BMP5: variants seen among roughly 807,000 people sequenced by gnomAD.
BMP5 encodes bone morphogenetic protein 5.
A neutral mutation model predicts 46.6 loss-of-function variants in BMP5; 23 were observed. That is an observed-to-expected ratio of 0.49 (90% CI 0.35 to 0.70). The LOEUF (loss-of-function observed/expected upper bound fraction) is 0.70. Ranked by LOEUF, BMP5 falls within the 30% of genes least tolerant of loss-of-function variation. The pLI, the probability that BMP5 is intolerant of heterozygous loss-of-function variation, is 0.00. For missense variants in BMP5, 545 were observed against 565.6 expected (o/e 0.96, Z 0.37); for synonymous variants, 204 against 191.9 (o/e 1.06, Z -0.52).
chr6:55,819,940 A>G, intron 1 of BMP5, 93 bp from the exon 2 acceptor site: 1 of 1,150,342 alleles, frequency 8.7e-7, no homozygotes, highest in South Asian at 1.3e-5. Flanking sequence ...AAAGAAAACA[A>G]ACAAGCAGGA....
intron 1 of BMP5, among the ~76,000 whole-genome samples, chr6:55,833,657 A>C (rs778723275): frequency 6.6e-6 from 1 of 152,194 alleles, no homozygotes; most frequent in Non-Finnish European, 1.5e-5. Flanking sequence ...AAGCTCATTA[A>C]TATTTATTAC....
intron 1 of BMP5, among the ~76,000 whole-genome samples, chr6:55,831,076 C>A (rs1282988840): frequency 2.0e-5 from 3 of 151,944 alleles, no homozygotes; most frequent in African/African-American, 7.3e-5. Flanking sequence ...GAATATTCAC[C>A]CTGAATGCTA....
intron 3 of BMP5, among the ~76,000 whole-genome samples, chr6:55,786,099 C>T (rs1775441947): frequency 6.6e-6 from 1 of 151,670 alleles, no homozygotes; most frequent in Admixed American, 6.6e-5. Flanking sequence ...ACATGTCTAA[C>T]TTTCTCGCTT....
chr6:55,865,493 C>A, intron 1 of BMP5: 1 of 463,080 alleles, frequency 2.2e-6, no homozygotes, highest in East Asian at 6.4e-5. Context: ...CAGTCCGTCT[C>A]ATGAAGGCTC....
chr6:55,797,656 G>A (rs1384569548), intron 2 of BMP5, among the ~76,000 whole-genome samples: 4 of 132,498 alleles, frequency 3.0e-5, no homozygotes, highest in Admixed American at 1.8e-4. Flanking sequence ...TAGCTCTGTC[G>A]CCCAGGCTGG....
At chr6:55,799,082 A>C (rs1439351986) in intron 2 of BMP5, among the ~76,000 whole-genome samples, 1 of 152,192 alleles carries the variant, frequency 6.6e-6, no homozygotes, top group Non-Finnish European at 1.5e-5. Flanking sequence ...AAAGATTTGG[A>C]GATCAGACAG....
At chr6:55,826,913 T>C (rs1776545146) in intron 1 of BMP5, among the ~76,000 whole-genome samples, 1 of 151,704 alleles carries the variant, frequency 6.6e-6, no homozygotes. Context: ...CTAATATTCT[T>C]TGCATGAAAG....
At chr6:55,780,110 T>C (rs1775272140) in intron 3 of BMP5, among the ~76,000 whole-genome samples, 1 of 151,806 alleles carries the variant, frequency 6.6e-6, no homozygotes, top group Non-Finnish European at 1.5e-5. Flanking sequence ...TTTGCCAGTA[T>C]TATATATTGA....
chr6:55,869,689 A>G, intron 1 of BMP5, among the ~76,000 whole-genome samples: 1 of 152,122 alleles, frequency 6.6e-6, no homozygotes, highest in East Asian at 1.9e-4. Flanking sequence ...AAATTCTGTC[A>G]ATGGGATCCT....
rs148210914 is a variant in BMP5, at chr6:55,852,587, T to C, written c.490+21789A>G. Among the ~76,000 whole-genome samples, 587 of 152,264 alleles carry C rather than the reference T, an allele frequency of 3.9e-3. 5 individuals carry two copies. The highest frequency in any genetic ancestry group is 0.014 in the South Asian group (69 of 4,820). On this transcript the variant is annotated intron_variant, in intron 1 of 6. Transcript: ENST00000370830. ...GTGCTCTTTACATAGAAGAAATCCA[T>C]TGTGTTTTTATTTTTAGTCTTATTT...
intron 1 of BMP5, among the ~76,000 whole-genome samples, chr6:55,822,786 T>G (rs1331264266): frequency 1.3e-5 from 2 of 152,078 alleles, no homozygotes; most frequent in Non-Finnish European, 2.9e-5. Context: ...ATTATAAAAT[T>G]TCAGTTTTCT....
At chr6:55,853,342 T>TC in intron 1 of BMP5, among the ~76,000 whole-genome samples, 1 of 129,362 alleles carries the variant, frequency 7.7e-6, no homozygotes, top group Non-Finnish European at 1.6e-5. Flanking sequence ...CTCCCCCGCT[T>TC]TCTCTCTCTC....
chr6:55,774,802 G>A (rs1283394963), intron 3 of BMP5, among the ~76,000 whole-genome samples: 4 of 151,972 alleles, frequency 2.6e-5, no homozygotes, highest in Non-Finnish European at 5.9e-5. Context: ...CATTCTGGAA[G>A]CCTAGTCTGG....
intron 4 of BMP5, among the ~76,000 whole-genome samples, chr6:55,762,974 A>G (rs1774823417): frequency 6.6e-6 from 1 of 152,114 alleles, no homozygotes; most frequent in Admixed American, 6.5e-5. Context: ...TTTGAATTTC[A>G]TATGATTCCC....
Position 55,874,500 on chromosome 6 carries a change from C to A in BMP5, c.366G>T (p.Gly122=), listed in dbSNP as rs371300058. ...GAGATAACTGTATGCGACGAGGATA[C>A]CCATTGGGAGAGGCTGGGTATCCCT... The part of the protein sequence containing the change: ...ARKGYPASPN[G]YPRRIQLSRT... Residue 122 remains glycine (G), a synonymous_variant, in exon 1 of 7, where the codon GGG becomes GGT. Transcript: ENST00000370830. 1.9e-6 allele frequency: 3 copies of A among 1,613,248 alleles called. No individual in the cohort carries two copies. Among genetic ancestry groups the A allele is most frequent in the Non-Finnish European group, 2.5e-6 (3 of 1,179,654 alleles).
In BMP5 at chr6:55,875,197, T is replaced by G. The variant is rs538270610; in HGVS notation, c.-332A>C. The G allele has an allele frequency of 4.3e-6, 1 of 233,450 alleles. No homozygotes were observed. Among genetic ancestry groups the G allele is most frequent in the Admixed American group, 5.2e-5 (1 of 19,282 alleles). The allele number at this position is 233,450 out of a possible 1,614,324, so 14.5% of individuals were successfully genotyped here. A position where few individuals can be genotyped will look rare whatever the true frequency, so the allele number is the denominator to read the frequency against. On this transcript the variant is annotated 5_prime_UTR_variant, in exon 1 of 7. Coordinates refer to ENST00000370830, the MANE Select transcript of BMP5 (RefSeq NM_021073.4). Reference sequence around the variant, plus strand: ...TGACCTATGCATTCCTATATGAATTTATGATAATCAGGCCTTTGGTATTTG... The same window carrying G: ...TGACCTATGCATTCCTATATGAATTGATGATAATCAGGCCTTTGGTATTTG...
chr6:55,836,000 C>T (rs1337253791), intron 1 of BMP5, among the ~76,000 whole-genome samples: 2 of 152,000 alleles, frequency 1.3e-5, no homozygotes, highest in African/African-American at 4.8e-5. Context: ...TATTTTCTTT[C>T]TTAAATATTA....
intron 3 of BMP5, among the ~76,000 whole-genome samples, chr6:55,792,661 T>C (rs1775600997): frequency 6.6e-6 from 1 of 152,050 alleles, no homozygotes; most frequent in Admixed American, 6.6e-5. Flanking sequence ...GCATCGGTAA[T>C]GGTATTATCC....
At chr6:55,761,755 T>C (rs1355220918) in intron 4 of BMP5, among the ~76,000 whole-genome samples, 1 of 152,102 alleles carries the variant, frequency 6.6e-6, no homozygotes. Context: ...CCATCTCAAT[T>C]ATCACTTTTA....
Sources: allele counts gnomAD v4.1 joint callset (sites outside exome capture counted in the v4.1 genomes callset), GRCh38; gene constraint gnomAD v4.1.1; transcripts MANE v1.5; gene names NCBI Gene and HGNC (gene_info 2026-07-23, HGNC 2026-07-21).